Variants in CFAP47 observed in about 807,000 individuals in gnomAD.
The protein encoded by CFAP47 is cilia- and flagella-associated protein 47.
CFAP47 carries 29 observed loss-of-function variants against 148.1 expected under a neutral mutation model. The ratio of observed to expected loss-of-function variants is 0.20; its 90% CI spans 0.15 to 0.27. The LOEUF is 0.27. CFAP47 is among the 10% of genes least tolerant of loss of function. The pLI is 1.00. For synonymous variants in CFAP47, 664 were observed against 577.3 expected (o/e 1.15, Z -2.15); for missense variants, 1,872 against 1,697.5 (o/e 1.10, Z -1.81).
intron 45 of CFAP47, among the ~76,000 whole-genome samples, chrX:36,216,088 G>T (rs1000489656): frequency 8.1e-5 from 9 of 111,591 alleles, no homozygotes; most frequent in Non-Finnish European, 1.7e-4. Flanking sequence ...TCTCTTGGTG[G>T]GCAGGCGGTC....
chrX:36,372,704 A>G (rs1330677398), intron 62 of CFAP47, among the ~76,000 whole-genome samples: 2 of 112,179 alleles, frequency 1.8e-5, no homozygotes, highest in Non-Finnish European at 3.8e-5. Flanking sequence ...TTAAAATCAT[A>G]TGGAACAACC....
chrX:36,262,048 C>G (rs377415991), intron 49 of CFAP47, among the ~76,000 whole-genome samples: 3 of 112,150 alleles, frequency 2.7e-5, no homozygotes, highest in Non-Finnish European at 5.7e-5. Flanking sequence ...TAGTGTGATG[C>G]CTTTGGCTTT....
chrX:35,978,406 T>C (rs973752537), intron 15 of CFAP47, among the ~76,000 whole-genome samples: 1 of 112,288 alleles, frequency 8.9e-6, no homozygotes, highest in South Asian at 3.6e-4. Context: ...GTACCAGTTA[T>C]GCTTCTTGTG....
chrX:36,156,968 T>C (rs1939374959), intron 37 of CFAP47, among the ~76,000 whole-genome samples: 1 of 111,349 alleles, frequency 9.0e-6, no homozygotes, highest in Admixed American at 9.6e-5. Flanking sequence ...TAAATTCATG[T>C]TCTTTAGATG....
chrX:36,152,741 C>T (rs995985018), intron 37 of CFAP47, among the ~76,000 whole-genome samples: 1 of 111,336 alleles, frequency 9.0e-6, no homozygotes, highest in Non-Finnish European at 1.9e-5. Context: ...ACCTTGAGCC[C>T]TCTCTAAGCT....
chrX:35,971,252 T>C (rs940996408), intron 11 of CFAP47, among the ~76,000 whole-genome samples: 2 of 111,704 alleles, frequency 1.8e-5, no homozygotes, highest in Admixed American at 1.9e-4. Context: ...AAAAATGTGT[T>C]TCAAATAAAG....
intron 54 of CFAP47, among the ~76,000 whole-genome samples, chrX:36,306,011 A>G (rs1556008737): frequency 8.9e-6 from 1 of 112,380 alleles, no homozygotes; most frequent in Non-Finnish European, 1.9e-5. Flanking sequence ...AGAAGGATTG[A>G]AAGATACTGC....
chrX:36,070,136 CTG>C (rs1469416837), intron 27 of CFAP47, among the ~76,000 whole-genome samples: 4 of 112,026 alleles, frequency 3.6e-5, no homozygotes, highest in African/African-American at 1.3e-4. Flanking sequence ...CTAAATGACT[CTG>C]TTATGAAAGA....
At chrX:36,219,006 C>T (rs2146894181) in intron 45 of CFAP47, among the ~76,000 whole-genome samples, 1 of 111,207 alleles carries the variant, frequency 9.0e-6, no homozygotes, top group Non-Finnish European at 1.9e-5. Context: ...TAGATGAAGC[C>T]TCCGGATAGC....
chrX:35,961,106 G>C (rs1418180862), intron 8 of CFAP47, among the ~76,000 whole-genome samples: 1 of 111,473 alleles, frequency 9.0e-6, no homozygotes, highest in Non-Finnish European at 1.9e-5. Context: ...CTATTAAAAT[G>C]ATAATGTGAT....
rs189108777 is a variant in CFAP47 at position 36,098,729 on chromosome X, A to G, written c.4917-64A>G. The stretch of plus-strand genomic sequence containing the variant: ...ACTTGAAATATTTAATTGATGGTCA[A>G]TGCAAATCATATATAGAACATGTAT... On this transcript the variant is annotated intron_variant, in intron 30 of 63. Coordinates refer to ENST00000378653, the MANE Select transcript of CFAP47 (RefSeq NM_001304548.2). The G allele has an allele frequency of 1.5e-3, 783 of 519,366 alleles. 4 individuals carry two copies. The African/African-American group carries it at 0.017, about 11-fold the overall frequency. 42.8% of individuals were successfully genotyped at this position (519,366 alleles called of 1,213,427 possible).
At chrX:36,244,869 A>G (rs1440169855) in intron 48 of CFAP47, among the ~76,000 whole-genome samples, 1 of 111,549 alleles carries the variant, frequency 9.0e-6, no homozygotes, top group African/African-American at 3.3e-5. Context: ...TAAATCCAGC[A>G]TTAACCTGAT....
intron 19 of CFAP47, among the ~76,000 whole-genome samples, chrX:35,998,670 C>G (rs1213062399): frequency 9.0e-6 from 1 of 111,138 alleles, no homozygotes; most frequent in East Asian, 2.8e-4. Context: ...TTAACTTATA[C>G]TTTTATAACC....
intron 60 of CFAP47, among the ~76,000 whole-genome samples, chrX:36,354,480 CA>C (rs869120972): frequency 0.047 from 1,902 of 40,458 alleles, 29 homozygotes; most frequent in African/African-American, 0.12. Flanking sequence ...GACTCTGTCT[CA>C]AAAAAAAAAA....
chrX:36,289,358 G>A (rs1264151560), intron 51 of CFAP47, among the ~76,000 whole-genome samples: 1 of 111,193 alleles, frequency 9.0e-6, no homozygotes, highest in Non-Finnish European at 1.9e-5. Flanking sequence ...TATATCATAA[G>A]TGTTGTCCAT....
At chrX:36,013,336 T>C (rs1172166574) in intron 21 of CFAP47, among the ~76,000 whole-genome samples, 1 of 112,159 alleles carries the variant, frequency 8.9e-6, no homozygotes, top group Non-Finnish European at 1.9e-5. Flanking sequence ...TGGGTGCCGA[T>C]ATTGTCAGTC....
intron 42 of CFAP47, 48 bp from the exon 43 acceptor site, chrX:36,200,331 T>A (rs1939966335): frequency 3.4e-6 from 1 of 292,527 alleles, no homozygotes; most frequent in African/African-American, 2.8e-5. Context: ...AAAGTTATAT[T>A]TTTATGAGAG....
At chrX:35,953,858 C>A in intron 7 of CFAP47, 139 bp downstream of exon 7, 1 of 383,574 alleles carries the variant, frequency 2.6e-6, no homozygotes, top group East Asian at 4.6e-5. Flanking sequence ...TTCAAGAGAC[C>A]TTAAAGTGTC....
At chrX:36,308,868 C>T (rs7059275) in intron 55 of CFAP47, among the ~76,000 whole-genome samples, 676 of 111,305 alleles carry the variant, frequency 6.1e-3, no homozygotes, top group African/African-American at 0.021. Context: ...ATGTGAAAAA[C>T]TCTGCAATGT....
Sources: gnomAD v4.1 joint callset for allele counts (sites outside exome capture counted in the v4.1 genomes callset) on GRCh38, gnomAD v4.1.1 for gene constraint, MANE v1.5 for transcripts, NCBI Gene and HGNC (gene_info 2026-07-23, HGNC 2026-07-21) for gene names.